VPS13C: variants seen among roughly 807,000 people sequenced by gnomAD.
VPS13C encodes the protein vacuolar protein sorting 13 homolog C, also known as intermembrane lipid transfer protein VPS13C.
Under a neutral mutation model 456.8 loss-of-function variants are expected in VPS13C, and 358 were observed. The ratio of observed to expected loss-of-function variants is 0.78; its 90% CI spans 0.72 to 0.86. VPS13C has a LOEUF of 0.86. Among genes scored for constraint, VPS13C ranks in the 40% least tolerant of loss-of-function variants. The probability of loss-of-function intolerance (pLI) is 0.00; values close to 1 mark genes in which losing one functional copy is unlikely to be tolerated. For synonymous variants in VPS13C, 1,578 were observed against 1,486.7 expected (o/e 1.06, Z -1.41); for missense variants, 4,818 against 4,385.4 (o/e 1.10, Z -2.79).
At position 61,878,613 on chromosome 15, in the gene VPS13C, ATAAG is replaced by A; in HGVS notation, c.10132_10135del (p.Leu3378TyrfsTer32). On this transcript the variant is annotated frameshift_variant, in exon 74 of 85. Transcript: ENST00000644861. LOFTEE classifies it high-confidence loss of function. ...ACTCTAACAGAAGTCTTACTTGAAT[ATAAG>A]GTCATCCACATCAGTCAGAGTAGCA... The A allele has an allele frequency of 6.2e-7, 1 of 1,608,414 alleles. No homozygotes were observed. The highest frequency in any genetic ancestry group is 8.5e-7 in the Non-Finnish European group (1 of 1,177,898).
Position 61,962,551 on chromosome 15 carries a change from G to T in VPS13C, c.3436-13C>A. Reference sequence around the variant, plus strand: ...TTATTGACACAGCCTGAAAAACAGAGACTTGAATGTACTCTATCCGGGAAG... The same window carrying T: ...TTATTGACACAGCCTGAAAAACAGATACTTGAATGTACTCTATCCGGGAAG... On this transcript the variant is annotated splice_polypyrimidine_tract_variant and intron_variant, in intron 33 of 84. Transcript: ENST00000644861. 1 of 1,604,120 alleles carries T rather than the reference G, an allele frequency of 6.2e-7. No homozygotes were observed. Among genetic ancestry groups the T allele is most frequent in the Non-Finnish European group, 8.5e-7 (1 of 1,174,432 alleles).
Position 61,967,432 on chromosome 15 carries a change from G to C in VPS13C, c.2927C>G (p.Pro976Arg), listed in dbSNP as rs760331474. 2.5e-6 allele frequency: 4 copies of C among 1,598,380 alleles called. No homozygotes were observed. Among genetic ancestry groups the C allele is most frequent in the Non-Finnish European group, 2.6e-6 (3 of 1,173,914 alleles). ...YHEIEGSKRK[P>R]LHLISSSDKP... ...GTCAGAAGAGCTAATCAAGTGAAGG[G>C]GCTTCCTTTTGGATCCTAGATTAAA... Residue 976 changes from proline (P) to arginine (R), a missense_variant, in exon 29 of 85, where the codon CCC becomes CGC. Physicochemically the swap from Pro to Arg is moderately radical, Grantham distance 103 (BLOSUM62 -2). This residue lies in a region of VPS13C where 4,552 missense variants were observed against 4,130.6 expected (regional missense o/e 1.10). Transcript: ENST00000644861.
At chr15:61,868,098 G>T (rs539758123) in intron 81 of VPS13C, among the ~76,000 whole-genome samples, 310 of 152,048 alleles carry the variant, frequency 2.0e-3, no homozygotes, top group Non-Finnish European at 3.8e-3. Flanking sequence ...CATTTCTTTT[G>T]GGGGAAAGCC....
At chr15:62,010,959 C>T (rs1178044193) in intron 12 of VPS13C, among the ~76,000 whole-genome samples, 1 of 151,726 alleles carries the variant, frequency 6.6e-6, no homozygotes, top group Non-Finnish European at 1.5e-5. Flanking sequence ...AATACTAATA[C>T]AAAAAAGGAA....
At chr15:62,017,133 G>A (rs1316916593) in intron 9 of VPS13C, among the ~76,000 whole-genome samples, 1 of 152,108 alleles carries the variant, frequency 6.6e-6, no homozygotes, top group Non-Finnish European at 1.5e-5. Context: ...TGTTGATGGG[G>A]TTGTTTTTTT....
chr15:61,868,567 G>T, intron 81 of VPS13C, 92 bp downstream of exon 81: 1 of 1,026,512 alleles, frequency 9.7e-7, no homozygotes, highest in Non-Finnish European at 1.5e-6. Context: ...AGCAGTTCAA[G>T]AATCAGGAAC....
chr15:62,041,408 G>A, intron 2 of VPS13C, 42 bp from the exon 3 acceptor site: 1 of 1,565,132 alleles, frequency 6.4e-7, no homozygotes, highest in Non-Finnish European at 8.6e-7. Context: ...CTTAAATTAT[G>A]AAGCCAACCC....
chr15:61,900,258 G>A (rs1427691412), intron 66 of VPS13C, among the ~76,000 whole-genome samples: 2 of 152,166 alleles, frequency 1.3e-5, no homozygotes, highest in Non-Finnish European at 2.9e-5. Flanking sequence ...GGAAGTTCTT[G>A]CCAGGGCAAT....
At chr15:61,960,954 GC>G (rs2045177146) in intron 35 of VPS13C, among the ~76,000 whole-genome samples, 1 of 151,472 alleles carries the variant, frequency 6.6e-6, no homozygotes, top group Admixed American at 6.6e-5. Flanking sequence ...GATGGCACGT[GC>G]CTATAGTCCC....
At chr15:62,048,636 G>A (rs1207977010) in intron 1 of VPS13C, among the ~76,000 whole-genome samples, 2 of 151,974 alleles carry the variant, frequency 1.3e-5, no homozygotes, top group African/African-American at 2.4e-5. Context: ...GGATGGCTGG[G>A]TCAAATGGTA....
intron 5 of VPS13C, among the ~76,000 whole-genome samples, chr15:62,029,783 C>T (rs1454685236): frequency 6.6e-6 from 1 of 152,040 alleles, no homozygotes; most frequent in Non-Finnish European, 1.5e-5. Flanking sequence ...TTGCTGCCTA[C>T]AAAATTCTAA....
intron 12 of VPS13C, among the ~76,000 whole-genome samples, chr15:62,011,052 A>G (rs993678308): frequency 7.9e-5 from 12 of 152,292 alleles, no homozygotes; most frequent in African/African-American, 2.9e-4. Flanking sequence ...CCAAAAAAAG[A>G]AACTGCTCAC....
intron 18 of VPS13C, among the ~76,000 whole-genome samples, chr15:61,985,947 C>A (rs959238066): frequency 6.6e-6 from 1 of 151,944 alleles, no homozygotes; most frequent in Non-Finnish European, 1.5e-5. Context: ...AAAACACATT[C>A]TTTTGCCTGG....
Position 61,947,261 on chromosome 15 carries a change from G to C in VPS13C, c.4808C>G (p.Ala1603Gly), listed in dbSNP as rs1433274572. ...QKDVFDLKIT[A>G]ELNAFNVFVC... ...AAAGACATTAAATGCATTTAATTCA[G>C]CTGTGATCTTTAAATCAAACACATC... is the stretch of plus-strand genomic sequence containing the variant. The change falls in exon 43 of 85, where the codon GCT becomes GGT. Residue 1603 changes from alanine (A) to glycine (G), a missense_variant. Transcript: ENST00000644861. The C allele has an allele frequency of 6.2e-7, 1 of 1,609,362 alleles. No individual in the cohort carries two copies. The highest frequency in any genetic ancestry group is 1.1e-5 in the South Asian group (1 of 90,026).
intron 15 of VPS13C, among the ~76,000 whole-genome samples, chr15:62,001,048 T>C (rs1162999638): frequency 6.6e-6 from 1 of 152,196 alleles, no homozygotes; most frequent in African/African-American, 2.4e-5. Flanking sequence ...GAATGTAAAA[T>C]TCTGCAAATC....
intron 78 of VPS13C, 59 bp downstream of exon 78, chr15:61,873,187 A>G: frequency 1.9e-6 from 3 of 1,603,398 alleles, no homozygotes; most frequent in Non-Finnish European, 1.7e-6. Context: ...TCACACAACC[A>G]GCTAGAATAC....
Position 61,918,129 on chromosome 15 carries a change from T to C in VPS13C, c.7760+7A>G, listed in dbSNP as rs2043532083. 6.3e-7 allele frequency: 1 copy of C among 1,578,570 alleles called. No homozygotes were observed. Among genetic ancestry groups the C allele is most frequent in the Non-Finnish European group, 8.6e-7 (1 of 1,169,232 alleles). On this transcript the variant is annotated splice_region_variant and intron_variant, in intron 59 of 84. Transcript: ENST00000644861. ...TTTAAAGTTTAATACATTTAAGAAGTATCTACCTATATGAATCTAAAGGAA... is the reference window on the plus strand; with the variant it reads ...TTTAAAGTTTAATACATTTAAGAAGCATCTACCTATATGAATCTAAAGGAA...
intron 3 of VPS13C, among the ~76,000 whole-genome samples, chr15:62,037,906 T>C (rs566504054): frequency 5.9e-5 from 9 of 152,182 alleles, no homozygotes; most frequent in Admixed American, 3.9e-4. Flanking sequence ...ATAAAAATAT[T>C]CTTGTATGTT....
intron 51 of VPS13C, 84 bp from the exon 52 acceptor site, chr15:61,927,404 G>T (rs2043891503): frequency 9.5e-7 from 1 of 1,054,980 alleles, no homozygotes; most frequent in Non-Finnish European, 1.4e-6. Context: ...TTGTTAAGTT[G>T]TTCTCAATGT....
Sources: allele counts gnomAD v4.1 joint callset (sites outside exome capture counted in the v4.1 genomes callset), GRCh38; gene constraint gnomAD v4.1.1; regional missense constraint gnomAD v4.1.1; transcripts MANE v1.5; gene names NCBI Gene and HGNC (gene_info 2026-07-23, HGNC 2026-07-21).